Variants in NCOA3 observed in about 807,000 individuals in gnomAD.
NCOA3 encodes CBP-interacting protein.
In NCOA3, 51 loss-of-function variants were observed where a neutral mutation model predicts 158.8. The observed-to-expected ratio is 0.32, with a 90% CI of 0.26 to 0.41. The LOEUF (loss-of-function observed/expected upper bound fraction) is 0.41. Ranked by LOEUF, NCOA3 falls within the 10% of genes least tolerant of loss-of-function variation. NCOA3 has a pLI of 1.00. For missense variants in NCOA3, 1,510 were observed against 1,746.6 expected (o/e 0.86, Z 2.41); for synonymous variants, 537 against 592.4 (o/e 0.91, Z 1.36).
rs575929603 is a variant in NCOA3, at chr20:47,536,108, A to G, written c.-99+34089A>G. On this transcript the variant is annotated intron_variant, in intron 1 of 22. Coordinates refer to ENST00000371998, the MANE Select transcript of NCOA3 (RefSeq NM_181659.3). ...CAAGATAGGGGGGCATGGCAGGCCA[A>G]AAGGCAACTTTTTGGGTGCGTAAAC... Among the ~76,000 whole-genome samples the G allele has an allele frequency of 2.6e-5, 4 of 152,266 alleles. No homozygotes were observed. In the South Asian group the frequency reaches 8.3e-4, roughly 32 times the overall value.
chr20:47,520,906 G>A (rs2084320995), intron 1 of NCOA3, among the ~76,000 whole-genome samples: 1 of 152,220 alleles, frequency 6.6e-6, no homozygotes, highest in South Asian at 2.1e-4. Flanking sequence ...GCTATGGAAC[G>A]CAGAGGGCAC....
intron 16 of NCOA3, among the ~76,000 whole-genome samples, chr20:47,640,889 A>T (rs1241651905): frequency 8.1e-6 from 1 of 123,604 alleles, no homozygotes; most frequent in African/African-American, 2.7e-5. Context: ...CTCCGTCTCT[A>T]AAAAAAAAAA....
chr20:47,553,722 A>G (rs1056799527), intron 1 of NCOA3, among the ~76,000 whole-genome samples: 2 of 152,138 alleles, frequency 1.3e-5, no homozygotes, highest in Admixed American at 6.5e-5. Context: ...TACAAAGGAC[A>G]TGAACTCATC....
rs1266009284 is a variant in NCOA3, at chr20:47,625,493, G to T, written c.357+12G>T. ...CGCTTTTACTTCAGGCAAGTATAAAGATTTTAACTGTCCAGTAGGCTGTAT... is the reference window on the plus strand; with the variant it reads ...CGCTTTTACTTCAGGCAAGTATAAATATTTTAACTGTCCAGTAGGCTGTAT... On this transcript the variant is annotated intron_variant, in intron 5 of 22. Coordinates refer to ENST00000371998, the MANE Select transcript of NCOA3 (RefSeq NM_181659.3). 6.5e-7 allele frequency: 1 copy of T among 1,534,230 alleles called. No individual in the cohort carries two copies. The highest frequency in any genetic ancestry group is 1.7e-5 in the Admixed American group (1 of 59,848).
At chr20:47,559,171 A>G (rs2425970) in intron 1 of NCOA3, among the ~76,000 whole-genome samples, 140,358 of 152,058 alleles carry the variant, frequency 0.92, 64,887 homozygotes, top group East Asian at 0.98. Context: ...AAACCAACTC[A>G]ATGCCTTCAT....
At chr20:47,594,128 CCT>C (rs1352692878) in intron 2 of NCOA3, among the ~76,000 whole-genome samples, 7 of 152,120 alleles carry the variant, frequency 4.6e-5, no homozygotes, top group African/African-American at 1.7e-4. Context: ...GGATATAACA[CCT>C]CTCATATTTA....
intron 1 of NCOA3, among the ~76,000 whole-genome samples, chr20:47,557,559 C>A (rs1320825452): frequency 6.6e-6 from 1 of 152,120 alleles, no homozygotes; most frequent in Non-Finnish European, 1.5e-5. Flanking sequence ...ATTGAGAGGA[C>A]CATCTGTAAA....
At position 47,623,958 on chromosome 20, in the gene NCOA3, A is replaced by T; in HGVS notation, c.131A>T (p.Tyr44Phe). 3.1e-6 allele frequency: 5 copies of T among 1,613,712 alleles called. No individual in the cohort carries two copies. Among genetic ancestry groups the T allele is most frequent in the Non-Finnish European group, 4.2e-6 (5 of 1,179,910 alleles). ...EKRRREQESKYIEELAELISA... is the reference protein window; with the variant it reads ...EKRRREQESKFIEELAELISA... ...CGGAGACGGGAGCAGGAAAGTAAATATATTGAAGAATTGGCTGAGCTGATA... is the reference window on the plus strand; with the variant it reads ...CGGAGACGGGAGCAGGAAAGTAAATTTATTGAAGAATTGGCTGAGCTGATA... Residue 44 changes from tyrosine (Y) to phenylalanine (F), a missense_variant, in exon 4 of 23, where the codon TAT becomes TTT. This residue lies in a region of NCOA3 where 309 missense variants were observed against 427.1 expected (regional missense o/e 0.72). Coordinates refer to ENST00000371998, the MANE Select transcript of NCOA3 (RefSeq NM_181659.3).
chr20:47,645,845 T>TC (rs1400003398), intron 17 of NCOA3, among the ~76,000 whole-genome samples: 2 of 152,118 alleles, frequency 1.3e-5, no homozygotes, highest in African/African-American at 4.8e-5. Context: ...ATGGTAACAG[T>TC]CCAAGAGGTG....
chr20:47,569,229 C>G (rs1353806363), intron 1 of NCOA3, among the ~76,000 whole-genome samples: 1 of 152,086 alleles, frequency 6.6e-6, no homozygotes, highest in Non-Finnish European at 1.5e-5. Flanking sequence ...CGCCTGTAGT[C>G]CCAGCTACTC....
intron 2 of NCOA3, among the ~76,000 whole-genome samples, chr20:47,587,843 C>T (rs1331983478): frequency 6.6e-6 from 1 of 152,064 alleles, no homozygotes; most frequent in East Asian, 1.9e-4. Flanking sequence ...CGTCTTTATT[C>T]CATGTCTACA....
chr20:47,506,422 C>T (rs774354786), intron 1 of NCOA3, among the ~76,000 whole-genome samples: 1 of 152,078 alleles, frequency 6.6e-6, no homozygotes, highest in Non-Finnish European at 1.5e-5. Flanking sequence ...AGGAAAATGG[C>T]CAGAAAATAC....
At chr20:47,539,605 G>T (rs1196730115) in intron 1 of NCOA3, among the ~76,000 whole-genome samples, 1 of 152,200 alleles carries the variant, frequency 6.6e-6, no homozygotes, top group African/African-American at 2.4e-5. Context: ...TCATATGATA[G>T]TTTATGAATG....
chr20:47,647,170 C>T lies in NCOA3; in HGVS notation c.3350C>T (p.Ala1117Val), dbSNP rs2086700323. 3 of 1,614,134 alleles carry T rather than the reference C, an allele frequency of 1.9e-6. No homozygotes were observed. Among genetic ancestry groups the T allele is most frequent in the Non-Finnish European group, 2.5e-6 (3 of 1,180,002 alleles). ...GGATTATATGGACAGACATACCCAGCACAGGGGCCTCCAATGCAAGGAGGC... is the reference window on the plus strand; with the variant it reads ...GGATTATATGGACAGACATACCCAGTACAGGGGCCTCCAATGCAAGGAGGC... ...KAGLYGQTYPAQGPPMQGGFH... is the reference protein window; with the variant it reads ...KAGLYGQTYPVQGPPMQGGFH... Residue 1117 changes from alanine (A) to valine (V), a missense_variant, in exon 18 of 23, where the codon GCA becomes GTA. By Grantham distance (64) the Ala-to-Val change is moderately conservative (BLOSUM62 0). Around this residue, in one of 4 missense-constraint regions of NCOA3, gnomAD observed 1,017 missense variants for 1,098.3 expected, o/e 0.93. Coordinates refer to ENST00000371998, the MANE Select transcript of NCOA3 (RefSeq NM_181659.3).
intron 8 of NCOA3, chr20:47,631,486 C>T (rs2086417405): frequency 6.6e-6 from 1 of 152,180 alleles, no homozygotes; most frequent in South Asian, 2.1e-4. Context: ...TTTTTAAGGA[C>T]CATCTATTGT....
chr20:47,603,201 CAA>C lies in NCOA3; in HGVS notation c.-19-19027_-19-19026del, dbSNP rs892986588. 4.6e-5 allele frequency among the ~76,000 whole-genome samples: 7 copies of C among 152,334 alleles called. No homozygotes were observed. In the East Asian group the frequency reaches 1.3e-3, roughly 29 times the overall value. On this transcript the variant is annotated intron_variant, in intron 2 of 22. Coordinates refer to ENST00000371998, the MANE Select transcript of NCOA3 (RefSeq NM_181659.3). ...GCATCTTTGAGAATTTAGTATTTCT[CAA>C]GAGACATCTCTTAAATTCTCCTGTA...
chr20:47,539,609 A>G (rs991091782), intron 1 of NCOA3, among the ~76,000 whole-genome samples: 10 of 152,214 alleles, frequency 6.6e-5, no homozygotes, highest in African/African-American at 2.2e-4. Context: ...ATGATAGTTT[A>G]TGAATGGGTG....
At chr20:47,633,724 T>A (rs2086460777) in intron 9 of NCOA3, 88 bp downstream of exon 9, 1 of 1,392,176 alleles carries the variant, frequency 7.2e-7, no homozygotes, top group Non-Finnish European at 9.8e-7. Context: ...CTCGAACTCC[T>A]GGATTTAATT....
chr20:47,653,310 G>C, intron 22 of NCOA3, 96 bp from the exon 23 acceptor site: 1 of 1,446,710 alleles, frequency 6.9e-7, no homozygotes, highest in Non-Finnish European at 9.5e-7. Context: ...GAGCTGCACT[G>C]TAAGCCATGA....
Sources: gnomAD v4.1 joint callset for allele counts (sites outside exome capture counted in the v4.1 genomes callset) on GRCh38, gnomAD v4.1.1 for gene constraint, gnomAD v4.1.1 regional missense constraint, MANE v1.5 for transcripts, NCBI Gene and HGNC (gene_info 2026-07-23, HGNC 2026-07-21) for gene names.